The following DOCK3 variants were observed in gnomAD, a reference collection of about 807,000 sequenced individuals.
The protein encoded by DOCK3 is dedicator of cytokinesis 3, also known as dedicator of cytokinesis protein 3.
Under a neutral mutation model 265.6 loss-of-function variants are expected in DOCK3, and 60 were observed. The observed-to-expected ratio is 0.23, with a 90% CI of 0.18 to 0.28. The LOEUF is 0.28. DOCK3 is among the 10% of genes least tolerant of loss of function. The pLI is 1.00. For missense variants in DOCK3, 1,981 were observed against 2,594.3 expected (o/e 0.76, Z 5.14); for synonymous variants, 881 against 938.0 (o/e 0.94, Z 1.11).
At chr3:50,970,943 ATATAAT>A (rs1250594753) in intron 5 of DOCK3, among the ~76,000 whole-genome samples, 18 of 70,934 alleles carry the variant, frequency 2.5e-4, no homozygotes, top group East Asian at 5.3e-4. Flanking sequence ...ATATATATAT[ATATAAT>A]GTGTGTGTGT....
Position 50,719,971 on chromosome 3 carries a change from G to A in DOCK3, c.37+44671G>A, listed in dbSNP as rs372166321. ...TGATGTCGGGGTTCTGGGTAGTGTC[G>A]TTGTCTACAAAGACAGTTCAGATAT... On this transcript the variant is annotated intron_variant, in intron 1 of 52. Transcript: ENST00000266037. 26 of 409,726 alleles carry A rather than the reference G, an allele frequency of 6.3e-5. 1 individual carries two copies. The highest frequency in any genetic ancestry group is 3.1e-4 in the East Asian group (6 of 19,404). The allele number at this position is 409,726 out of a possible 1,614,324, so 25.4% of individuals were successfully genotyped here.
intron 1 of DOCK3, among the ~76,000 whole-genome samples, chr3:50,691,718 A>G (rs1007025135): frequency 1.3e-5 from 2 of 152,210 alleles, no homozygotes; most frequent in Non-Finnish European, 2.9e-5. Flanking sequence ...ATCCTCCCCA[A>G]TACTTGTTGT....
chr3:50,844,301 G>A (rs992536028), intron 3 of DOCK3, among the ~76,000 whole-genome samples: 12 of 152,100 alleles, frequency 7.9e-5, no homozygotes, highest in African/African-American at 2.9e-4. Flanking sequence ...CTATAGTCTC[G>A]AACTCGTGAG....
chr3:51,027,954 T>C (rs1444349639), intron 5 of DOCK3, among the ~76,000 whole-genome samples: 2 of 152,128 alleles, frequency 1.3e-5, no homozygotes, highest in African/African-American at 4.8e-5. Context: ...GATATTGATA[T>C]ATGAGATTTT....
intron 5 of DOCK3, among the ~76,000 whole-genome samples, chr3:51,032,124 G>GTGTGTC (rs1437141117): frequency 2.0e-5 from 3 of 151,520 alleles, no homozygotes; most frequent in Non-Finnish European, 4.4e-5. Flanking sequence ...CTCCTCGTGT[G>GTGTGTC]TGTGTGTGTG....
intron 5 of DOCK3, among the ~76,000 whole-genome samples, chr3:50,976,555 A>T (rs1359112913): frequency 0.021 from 2,801 of 132,194 alleles, 40 homozygotes; most frequent in East Asian, 0.12. Context: ...GGAGAGCTTT[A>T]CTTCCAAGTA....
intron 1 of DOCK3, among the ~76,000 whole-genome samples, chr3:50,747,386 A>G (rs750487467): frequency 1.1e-4 from 16 of 152,204 alleles, no homozygotes; most frequent in Non-Finnish European, 2.2e-4. Flanking sequence ...TCTATTGATT[A>G]ATTTGGAGAG....
intron 12 of DOCK3, 100 bp downstream of exon 12, chr3:51,160,802 C>CG (rs2086088102): frequency 2.1e-6 from 3 of 1,413,402 alleles, no homozygotes; most frequent in African/African-American, 2.9e-5. Context: ...ACACAGGCCA[C>CG]GCAGTGGCTC....
At chr3:51,131,033 G>A (rs1227549566) in intron 9 of DOCK3, among the ~76,000 whole-genome samples, 1 of 152,110 alleles carries the variant, frequency 6.6e-6, no homozygotes, top group Admixed American at 6.6e-5. Context: ...TTTACTATTT[G>A]TCTAGGTAGA....
intron 2 of DOCK3, chr3:50,787,773 A>G (rs1279591309): frequency 1.8e-6 from 2 of 1,141,410 alleles, no homozygotes; most frequent in Non-Finnish European, 2.6e-6. Flanking sequence ...TCTGCTTATC[A>G]TTCTCTCCAT....
intron 4 of DOCK3, among the ~76,000 whole-genome samples, chr3:50,911,703 T>TGAGA (rs4028309): frequency 0.057 from 8,490 of 150,090 alleles, 885 homozygotes; most frequent in African/African-American, 0.2. Flanking sequence ...AATTGTTTTT[T>TGAGA]GAGAGAGAGA....
At chr3:51,160,822 T>C (rs145506186) in intron 12 of DOCK3, 120 bp downstream of exon 12, 5 of 1,255,686 alleles carry the variant, frequency 4.0e-6, no homozygotes, top group South Asian at 3.5e-5. Flanking sequence ...CACGCCTGTA[T>C]TCCCAACACT....
intron 14 of DOCK3, among the ~76,000 whole-genome samples, chr3:51,219,164 T>C (rs977112180): frequency 3.3e-5 from 5 of 152,226 alleles, no homozygotes; most frequent in Non-Finnish European, 7.3e-5. Flanking sequence ...ATGTGCATGT[T>C]TCATCACTGA....
intron 5 of DOCK3, among the ~76,000 whole-genome samples, chr3:51,019,458 C>G (rs555561634): frequency 6.6e-6 from 1 of 151,920 alleles, no homozygotes; most frequent in South Asian, 2.1e-4. Flanking sequence ...TTTATAGATT[C>G]TATTTTTTCC....
chr3:50,830,603 T>C (rs1189738427), intron 2 of DOCK3, among the ~76,000 whole-genome samples: 1 of 152,194 alleles, frequency 6.6e-6, no homozygotes, highest in Non-Finnish European at 1.5e-5. Flanking sequence ...AAAGGGTTGC[T>C]GATTGTTGAC....
At chr3:51,012,388 G>A (rs1313278940) in intron 5 of DOCK3, among the ~76,000 whole-genome samples, 1 of 152,172 alleles carries the variant, frequency 6.6e-6, no homozygotes, top group Non-Finnish European at 1.5e-5. Context: ...CTTGCAGTTC[G>A]ATCTCAGACT....
intron 8 of DOCK3, among the ~76,000 whole-genome samples, chr3:51,089,930 A>G (rs1320981788): frequency 6.6e-6 from 1 of 151,252 alleles, no homozygotes; most frequent in Admixed American, 6.6e-5. Context: ...AAGGAAAAAG[A>G]AAATGGTTTC....
chr3:51,314,656 G>T (rs1343914114), intron 31 of DOCK3, among the ~76,000 whole-genome samples: 1 of 152,180 alleles, frequency 6.6e-6, no homozygotes, highest in Non-Finnish European at 1.5e-5. Flanking sequence ...ACACTCATAG[G>T]TTACTCAGAA....
chr3:50,741,133 A>AT (rs2038993471), intron 1 of DOCK3, among the ~76,000 whole-genome samples: 1 of 150,780 alleles, frequency 6.6e-6, no homozygotes, highest in Non-Finnish European at 1.5e-5. Context: ...TTGGATGACT[A>AT]TATATATATA....
Sources: allele counts gnomAD v4.1 joint callset (sites outside exome capture counted in the v4.1 genomes callset), GRCh38; gene constraint gnomAD v4.1.1; transcripts MANE v1.5; gene names NCBI Gene and HGNC (gene_info 2026-07-23, HGNC 2026-07-21).